The following NUDT9 variants were observed in gnomAD, a reference collection of about 807,000 sequenced individuals.
NUDT9 encodes the protein ADP-ribose pyrophosphatase.
In NUDT9, 31 loss-of-function variants were observed where a neutral mutation model predicts 41.0. The ratio of observed to expected loss-of-function variants is 0.76; its 90% CI spans 0.57 to 1.02. NUDT9 has a LOEUF of 1.02. NUDT9 is among the 50% of genes least tolerant of loss of function. NUDT9 has a pLI of 0.00. For missense variants in NUDT9, 380 were observed against 431.4 expected (o/e 0.88, Z 1.06); for synonymous variants, 146 against 147.6 (o/e 0.99, Z 0.08).
At chr4:87,438,196 A>G in intron 2 of NUDT9, 81 bp from the exon 3 acceptor site, 6 of 712,760 alleles carry the variant, frequency 8.4e-6, no homozygotes, top group Non-Finnish European at 1.4e-5. Flanking sequence ...CTTCTTATGG[A>G]TAACAGATTG....
At chr4:87,456,956 A>G (rs1022065127) in intron 7 of NUDT9, among the ~76,000 whole-genome samples, 1 of 152,114 alleles carries the variant, frequency 6.6e-6, no homozygotes, top group Non-Finnish European at 1.5e-5. Flanking sequence ...AAAATAAAAT[A>G]TTTAAGTAAT....
At chr4:87,453,346 G>A (rs1405508187) in intron 6 of NUDT9, among the ~76,000 whole-genome samples, 3 of 152,158 alleles carry the variant, frequency 2.0e-5, no homozygotes, top group Admixed American at 2.0e-4. Flanking sequence ...AAATACTTAA[G>A]TGATGGACTC....
At position 87,449,096 on chromosome 4, in the gene NUDT9, T is replaced by TA; in HGVS notation, c.531-45dup. 3 of 1,094,234 alleles carry TA rather than the reference T, an allele frequency of 2.7e-6. No individual in the cohort carries two copies. The South Asian group carries it at 3.9e-5, about 14-fold the overall frequency. The allele number at this position is 1,094,234 out of a possible 1,614,324, so 67.8% of individuals were successfully genotyped here. On this transcript the variant is annotated intron_variant, in intron 4 of 7. Coordinates refer to ENST00000302174, the MANE Select transcript of NUDT9 (RefSeq NM_024047.5). ...TTATCTCAAGTTTGAGATAGAACCT[T>TA]AGTTTTTGTTGTAAATCCGTTATGA...
intron 5 of NUDT9, 22 bp from the exon 6 acceptor site, chr4:87,451,567 A>G (rs372530309): frequency 4.4e-6 from 7 of 1,589,604 alleles, no homozygotes; most frequent in South Asian, 1.1e-5. Context: ...CCTTTTTTCA[A>G]AATTTTTAAT....
rs1263080798 is a variant in NUDT9, at chr4:87,459,430, C to T, written c.*1409C>T. On this transcript the variant is annotated 3_prime_UTR_variant, in exon 8 of 8. Transcript: ENST00000302174. ...GCACATGTACCCCTGTACTTAACAA[C>T]AAAATAAACACAAAGGAAAATGTTA... 2 of 152,076 alleles carry T rather than the reference C, an allele frequency of 1.3e-5. No individual in the cohort carries two copies. The highest frequency in any genetic ancestry group is 1.9e-4 in the East Asian group (1 of 5,190). 9.4% of individuals were successfully genotyped at this position (152,076 alleles called of 1,614,324 possible).
chr4:87,447,008 G>C (rs1722491162), intron 4 of NUDT9, among the ~76,000 whole-genome samples: 1 of 152,076 alleles, frequency 6.6e-6, no homozygotes, highest in African/African-American at 2.4e-5. Flanking sequence ...AACTGGTTAT[G>C]GTTTTACCCT....
At chr4:87,434,889 G>C in intron 1 of NUDT9, 92 bp from the exon 2 acceptor site, 1 of 1,136,416 alleles carries the variant, frequency 8.8e-7, no homozygotes, top group South Asian at 1.6e-5. Context: ...AAAGTGCTGG[G>C]ATTACAGGCG....
Position 87,446,864 on chromosome 4 carries a change from G to C in NUDT9, c.531-2278G>C, listed in dbSNP as rs1465812221. The stretch of plus-strand genomic sequence containing the variant: ...AGAAAATAAAAATAAAATCCATACT[G>C]TCTTCTGTCCTGTCATCATCTTTTA... On this transcript the variant is annotated intron_variant, in intron 4 of 7. Transcript: ENST00000302174. Among the ~76,000 whole-genome samples, 3 of 152,112 alleles carry C rather than the reference G, an allele frequency of 2.0e-5. No individual in the cohort carries two copies. In the East Asian group the frequency reaches 5.8e-4, roughly 29 times the overall value.
chr4:87,422,816 C>A lies in NUDT9; in HGVS notation c.-90C>A. ...CAGGTCCTAGTGCCCATCAGATACC[C>A]GCGGCCGGGACTCGGAGCTGTGGGG... On this transcript the variant is annotated 5_prime_UTR_variant, in exon 1 of 8. Transcript: ENST00000302174. 1 of 951,134 alleles carries A rather than the reference C, an allele frequency of 1.1e-6. No individual in the cohort carries two copies. Among genetic ancestry groups the A allele is most frequent in the Non-Finnish European group, 1.6e-6 (1 of 623,154 alleles). 58.9% of individuals were successfully genotyped at this position (951,134 alleles called of 1,614,324 possible). A position where few individuals can be genotyped will look rare whatever the true frequency, so the allele number is the denominator to read the frequency against.
chr4:87,435,474 A>G (rs1389969186), intron 2 of NUDT9, among the ~76,000 whole-genome samples: 1 of 152,240 alleles, frequency 6.6e-6, no homozygotes, highest in Admixed American at 6.5e-5. Context: ...AGCATCAGCT[A>G]TGTGTTATGA....
intron 4 of NUDT9, among the ~76,000 whole-genome samples, chr4:87,442,472 A>G (rs1412405588): frequency 6.6e-6 from 1 of 152,192 alleles, no homozygotes; most frequent in Non-Finnish European, 1.5e-5. Context: ...GAGTTTATAA[A>G]CACTGCATAC....
chr4:87,455,622 C>T (rs1722949631), intron 7 of NUDT9, among the ~76,000 whole-genome samples: 1 of 147,824 alleles, frequency 6.8e-6, no homozygotes, highest in African/African-American at 2.5e-5. Flanking sequence ...TGTTTTTTGC[C>T]TTTTAGCGTG....
intron 2 of NUDT9, among the ~76,000 whole-genome samples, chr4:87,437,532 T>C (rs185387661): frequency 0.018 from 2,665 of 147,998 alleles, 159 homozygotes; most frequent in African/African-American, 0.064. Context: ...TTAGTAGAGA[T>C]GGGGTTCCAC....
chr4:87,425,953 C>T (rs1420621304), intron 1 of NUDT9, among the ~76,000 whole-genome samples: 4 of 151,880 alleles, frequency 2.6e-5, no homozygotes, highest in African/African-American at 9.7e-5. Context: ...ACTACCGGTG[C>T]GCACTACCAG....
intron 4 of NUDT9, among the ~76,000 whole-genome samples, chr4:87,447,255 T>A (rs1198526243): frequency 6.6e-6 from 1 of 152,202 alleles, no homozygotes; most frequent in Non-Finnish European, 1.5e-5. Flanking sequence ...AATTATTATT[T>A]CATTTCTGTT....
intron 2 of NUDT9, among the ~76,000 whole-genome samples, chr4:87,437,132 C>A (rs1007192443): frequency 1.3e-5 from 2 of 151,338 alleles, no homozygotes; most frequent in Non-Finnish European, 2.9e-5. Context: ...TTCCTGTAGT[C>A]CCAGCTACTC....
intron 5 of NUDT9, among the ~76,000 whole-genome samples, chr4:87,450,251 G>A (rs545231598): frequency 6.6e-6 from 1 of 151,952 alleles, no homozygotes; most frequent in East Asian, 1.9e-4. Context: ...TTTGATATGA[G>A]GATGACTCTT....
At chr4:87,427,924 T>A (rs1220396828) in intron 1 of NUDT9, among the ~76,000 whole-genome samples, 1 of 152,242 alleles carries the variant, frequency 6.6e-6, no homozygotes, top group East Asian at 1.9e-4. Context: ...TCATTTTTTA[T>A]TGAGTATGGG....
chr4:87,449,936 C>T (rs1312707458), intron 5 of NUDT9, among the ~76,000 whole-genome samples: 1 of 151,902 alleles, frequency 6.6e-6, no homozygotes, highest in Non-Finnish European at 1.5e-5. Flanking sequence ...AATCTTGGCT[C>T]ATTGCAACCT....
Sources: allele counts gnomAD v4.1 joint callset (sites outside exome capture counted in the v4.1 genomes callset), GRCh38; gene constraint gnomAD v4.1.1; transcripts MANE v1.5; gene names NCBI Gene and HGNC (gene_info 2026-07-23, HGNC 2026-07-21).